The following HYDIN variants were observed in gnomAD, a reference collection of about 807,000 sequenced individuals.
HYDIN encodes HYDIN axonemal central pair apparatus protein.
A neutral mutation model predicts 403.9 loss-of-function variants in HYDIN; 132 were observed. The ratio of observed to expected loss-of-function variants is 0.33; its 90% CI spans 0.28 to 0.38. The LOEUF is 0.38. HYDIN is among the 10% of genes least tolerant of loss of function. HYDIN has a pLI of 1.00. For synonymous variants in HYDIN, 1,202 were observed against 1,891.7 expected (o/e 0.64, Z 9.46); for missense variants, 2,827 against 5,009.5 (o/e 0.56, Z 13.15).
intron 75 of HYDIN, among the ~76,000 whole-genome samples, chr16:70,847,987 G>T: frequency 7.3e-6 from 1 of 137,342 alleles, no homozygotes; most frequent in African/African-American, 2.7e-5. Flanking sequence ...TTTCCTTTTT[G>T]TTCTTCATAT....
At chr16:71,054,395 C>T (rs1393390013) in intron 18 of HYDIN, among the ~76,000 whole-genome samples, 2 of 152,378 alleles carry the variant, frequency 1.3e-5, no homozygotes, top group African/African-American at 4.8e-5. Flanking sequence ...CTCCTCCTCA[C>T]ACACATTGTG....
chr16:70,836,233 C>A (rs1393506554), intron 77 of HYDIN, among the ~76,000 whole-genome samples: 1 of 152,182 alleles, frequency 6.6e-6, no homozygotes, highest in African/African-American at 2.4e-5. Context: ...GGCAGGGAGA[C>A]AACCTGTGGC....
chr16:70,899,574 T>G (rs112227250), intron 53 of HYDIN, among the ~76,000 whole-genome samples: 9 of 152,182 alleles, frequency 5.9e-5, no homozygotes, highest in African/African-American at 2.2e-4. Context: ...GAATGTCTGT[T>G]TTTTAGTCAC....
intron 75 of HYDIN, among the ~76,000 whole-genome samples, chr16:70,845,910 T>C (rs1340034983): frequency 9.4e-5 from 14 of 149,032 alleles, no homozygotes; most frequent in Admixed American, 8.7e-4. Flanking sequence ...TTTTTGATTG[T>C]GTCTATTTGA....
chr16:70,938,472 C>T (rs1342229273), intron 44 of HYDIN, 142 bp downstream of exon 44: 7 of 727,548 alleles, frequency 9.6e-6, no homozygotes, highest in Non-Finnish European at 2.3e-6. Flanking sequence ...TCTTTCTGCT[C>T]CTTGCAGGTC....
At chr16:71,066,068 C>T (rs1234547567) in intron 15 of HYDIN, among the ~76,000 whole-genome samples, 2 of 151,896 alleles carry the variant, frequency 1.3e-5, no homozygotes, top group East Asian at 3.9e-4. Context: ...TACTACTTGA[C>T]TTGGGTCACA....
At chr16:70,892,105 G>A (rs2041503888) in intron 56 of HYDIN, among the ~76,000 whole-genome samples, 2 of 151,896 alleles carry the variant, frequency 1.3e-5, no homozygotes, top group Non-Finnish European at 2.9e-5. Flanking sequence ...CTCATCCTTT[G>A]CACTTGATGA....
intron 5 of HYDIN, among the ~76,000 whole-genome samples, chr16:71,167,149 A>T (rs9939654): frequency 0.35 from 52,684 of 150,240 alleles, 9,708 homozygotes; most frequent in East Asian, 0.57. Flanking sequence ...AGCTCTGCAA[A>T]TGATTCTGGT....
intron 15 of HYDIN, among the ~76,000 whole-genome samples, chr16:71,065,048 C>A (rs1425630376): frequency 6.6e-6 from 1 of 152,252 alleles, no homozygotes; most frequent in Non-Finnish European, 1.5e-5. Context: ...GGACTAGAAG[C>A]AGAACTCCTT....
At chr16:70,901,937 A>C (rs1226097295) in intron 52 of HYDIN, among the ~76,000 whole-genome samples, 1 of 152,180 alleles carries the variant, frequency 6.6e-6, no homozygotes, top group Non-Finnish European at 1.5e-5. Context: ...GGTGCTGAAC[A>C]ACATTTCTTA....
At chr16:70,926,903 C>T (rs4028355) in intron 45 of HYDIN, among the ~76,000 whole-genome samples, 2 of 152,156 alleles carry the variant, frequency 1.3e-5, no homozygotes, top group South Asian at 2.1e-4. Flanking sequence ...AAAAAGACAG[C>T]GAACTAGACC....
At chr16:71,185,067 G>A in intron 2 of HYDIN, 77 bp from the exon 3 acceptor site, 1 of 1,011,044 alleles carries the variant, frequency 9.9e-7, no homozygotes. Context: ...TACCAGTAAT[G>A]AATAATTTGT....
At chr16:70,835,025 T>C (rs2037320901) in intron 78 of HYDIN, among the ~76,000 whole-genome samples, 1 of 142,722 alleles carries the variant, frequency 7.0e-6, no homozygotes, top group Non-Finnish European at 1.5e-5. Context: ...CATATATATA[T>C]GTTTTTTTTT....
At chr16:71,051,645 C>CAAAAAAAAAAAAAAAAAAA (rs56676777) in intron 18 of HYDIN, among the ~76,000 whole-genome samples, 14 of 120,178 alleles carry the variant, frequency 1.2e-4, no homozygotes, top group African/African-American at 2.3e-4. Context: ...GACTCTGTCT[C>CAAAAAAAAAAAAAAAAAAA]AAAAAAAAAA....
At chr16:71,053,791 T>C (rs1201829751) in intron 18 of HYDIN, among the ~76,000 whole-genome samples, 1 of 151,868 alleles carries the variant, frequency 6.6e-6, no homozygotes, top group Non-Finnish European at 1.5e-5. Flanking sequence ...ATAATTTCTT[T>C]AAGTAAAGGA....
At chr16:70,927,333 A>T (rs1466461709) in intron 45 of HYDIN, among the ~76,000 whole-genome samples, 4 of 129,762 alleles carry the variant, frequency 3.1e-5, no homozygotes, top group African/African-American at 1.1e-4. Flanking sequence ...GTGGGGGTGG[A>T]AACAGCTTTC....
intron 52 of HYDIN, among the ~76,000 whole-genome samples, chr16:70,901,831 G>A (rs1471284026): frequency 5.9e-5 from 9 of 152,064 alleles, no homozygotes; most frequent in Admixed American, 1.3e-4. Flanking sequence ...TGATCTGCCC[G>A]TCTCGGCCTC....
chr16:71,226,122 A>T (rs992194790), intron 1 of HYDIN, among the ~76,000 whole-genome samples: 1 of 152,226 alleles, frequency 6.6e-6, no homozygotes, highest in Non-Finnish European at 1.5e-5. Flanking sequence ...GAAAAATAAG[A>T]ACAAAGTAGA....
intron 17 of HYDIN, among the ~76,000 whole-genome samples, chr16:71,061,410 C>T (rs1460526463): frequency 1.3e-5 from 2 of 152,360 alleles, no homozygotes; most frequent in Admixed American, 1.3e-4. Context: ...AACAAAGAAA[C>T]GTAAGGTGAC....
Sources: gnomAD v4.1 joint callset for allele counts (sites outside exome capture counted in the v4.1 genomes callset) on GRCh38, gnomAD v4.1.1 for gene constraint, MANE v1.5 for transcripts, NCBI Gene and HGNC (gene_info 2026-07-23, HGNC 2026-07-21) for gene names.